Variants in KLHL29 observed in about 807,000 individuals in gnomAD.
The protein encoded by KLHL29 is kelch-like protein 29.
In KLHL29, 21 loss-of-function variants were observed where a neutral mutation model predicts 80.4. The ratio of observed to expected loss-of-function variants is 0.26; its 90% CI spans 0.19 to 0.38. KLHL29 has a LOEUF of 0.38. Among genes scored for constraint, KLHL29 ranks in the 10% least tolerant of loss-of-function variants. KLHL29 has a pLI of 1.00. For missense variants in KLHL29, 867 were observed against 1,223.9 expected (o/e 0.71, Z 4.35); for synonymous variants, 511 against 526.8 (o/e 0.97, Z 0.41).
chr2:23,693,171 A>C, intron 7 of KLHL29, 98 bp from the exon 8 acceptor site: 1 of 1,365,850 alleles, frequency 7.3e-7, no homozygotes, highest in Non-Finnish European at 9.8e-7. Flanking sequence ...GTCCCCCGGG[A>C]TGTGGGTTCA....
intron 2 of KLHL29, among the ~76,000 whole-genome samples, chr2:23,552,364 C>T (rs1283983615): frequency 6.6e-6 from 1 of 152,190 alleles, no homozygotes; most frequent in Non-Finnish European, 1.5e-5. Context: ...AAGTTGTACA[C>T]ATTAAATATC....
intron 5 of KLHL29, chr2:23,667,360 C>A (rs1366980284): frequency 6.6e-6 from 1 of 152,154 alleles, no homozygotes; most frequent in Non-Finnish European, 1.5e-5. Context: ...CAAAAACATA[C>A]TCTTGAATCA....
At chr2:23,592,044 T>C (rs1668276174) in intron 3 of KLHL29, among the ~76,000 whole-genome samples, 1 of 152,190 alleles carries the variant, frequency 6.6e-6, no homozygotes, top group Admixed American at 6.5e-5. Flanking sequence ...TTTCAGCAAA[T>C]GTTTGTTGAA....
At chr2:23,549,075 A>G (rs901688332) in intron 2 of KLHL29, among the ~76,000 whole-genome samples, 5 of 152,154 alleles carry the variant, frequency 3.3e-5, no homozygotes, top group African/African-American at 9.7e-5. Context: ...GCCTCTGAGC[A>G]CTGCATTCAT....
chr2:23,401,276 C>T (rs1572483212), intron 1 of KLHL29, among the ~76,000 whole-genome samples: 1 of 152,292 alleles, frequency 6.6e-6, no homozygotes, highest in East Asian at 1.9e-4. Flanking sequence ...TTTGGGGGCC[C>T]TCCAAGAGAA....
At chr2:23,613,395 G>A (rs1311218523) in intron 3 of KLHL29, among the ~76,000 whole-genome samples, 2 of 152,174 alleles carry the variant, frequency 1.3e-5, no homozygotes, top group African/African-American at 4.8e-5. Flanking sequence ...ATGCATAAAA[G>A]CAGGTGTAGC....
chr2:23,390,442 C>A (rs1392332868), intron 1 of KLHL29, among the ~76,000 whole-genome samples: 1 of 152,084 alleles, frequency 6.6e-6, no homozygotes, highest in Non-Finnish European at 1.5e-5. Flanking sequence ...ATTGGCCTCA[C>A]AGGTGTCTAT....
At chr2:23,616,977 C>T (rs765401870) in intron 3 of KLHL29, 1 of 152,198 alleles carries the variant, frequency 6.6e-6, no homozygotes, top group African/African-American at 2.4e-5. Flanking sequence ...CGTATCGCAG[C>T]GTGTTTGCCC....
At chr2:23,424,692 A>G (rs1319998172) in intron 1 of KLHL29, among the ~76,000 whole-genome samples, 1 of 152,224 alleles carries the variant, frequency 6.6e-6, no homozygotes, top group Non-Finnish European at 1.5e-5. Context: ...TGTGGGGGGC[A>G]GATAATACAG....
At chr2:23,636,231 C>T (rs940671031) in intron 3 of KLHL29, among the ~76,000 whole-genome samples, 8 of 152,148 alleles carry the variant, frequency 5.3e-5, no homozygotes, top group African/African-American at 1.9e-4. Context: ...GCCTCCTCGG[C>T]AAAGGGCACA....
intron 5 of KLHL29, chr2:23,667,305 GCT>G (rs1334529785): frequency 6.6e-6 from 1 of 151,996 alleles, no homozygotes; most frequent in East Asian, 1.9e-4. Flanking sequence ...ATTTCTTTGC[GCT>G]CTGAGCACAG....
At chr2:23,500,328 A>G (rs1709329) in intron 2 of KLHL29, among the ~76,000 whole-genome samples, 64,505 of 152,064 alleles carry the variant, frequency 0.42, 14,274 homozygotes, top group Non-Finnish European at 0.48. Context: ...GAACAAACAG[A>G]TAAGTGATCG....
intron 2 of KLHL29, among the ~76,000 whole-genome samples, chr2:23,542,529 T>A (rs1396137226): frequency 1.3e-5 from 2 of 152,370 alleles, no homozygotes; most frequent in Non-Finnish European, 2.9e-5. Flanking sequence ...GGGGAATTGC[T>A]GAGTCTCCTA....
At chr2:23,631,780 C>T (rs143809522) in intron 3 of KLHL29, among the ~76,000 whole-genome samples, 1 of 152,162 alleles carries the variant, frequency 6.6e-6, no homozygotes, top group South Asian at 2.1e-4. Context: ...TCCTTCTGAC[C>T]CCCTGAAACC....
At chr2:23,648,215 T>A (rs1220171612) in intron 5 of KLHL29, among the ~76,000 whole-genome samples, 1 of 152,096 alleles carries the variant, frequency 6.6e-6, no homozygotes, top group African/African-American at 2.4e-5. Context: ...CCATACAGGC[T>A]CTGGAACTCT....
Position 23,681,325 on chromosome 2 carries a change from G to A in KLHL29, c.941-3074G>A, listed in dbSNP as rs1482410601. Among the ~76,000 whole-genome samples the A allele has an allele frequency of 6.6e-6, 1 of 152,208 alleles. No individual in the cohort carries two copies. The highest frequency in any genetic ancestry group is 2.4e-5 in the African/African-American group (1 of 41,440). On this transcript the variant is annotated intron_variant, in intron 5 of 13. Coordinates refer to ENST00000486442, the MANE Select transcript of KLHL29 (RefSeq NM_052920.2). The surrounding 1 kb of genome is among the most constrained non-coding windows in gnomAD (Gnocchi z 4.2). ...TTCCACCAAGTGAGATTCAGAGAGA[G>A]CAGAAAGCACCTACATTAGGATGGG...
intron 1 of KLHL29, among the ~76,000 whole-genome samples, chr2:23,459,441 T>G (rs1192308218): frequency 1.3e-5 from 2 of 151,366 alleles, no homozygotes; most frequent in Non-Finnish European, 2.9e-5. Flanking sequence ...GAGAATGGAG[T>G]AAAAAAAGAG....
intron 3 of KLHL29, among the ~76,000 whole-genome samples, chr2:23,628,705 C>T (rs1380809823): frequency 1.3e-5 from 2 of 152,214 alleles, no homozygotes; most frequent in Non-Finnish European, 2.9e-5. Context: ...GAGGGCCAGG[C>T]CCCATCCACA....
intron 1 of KLHL29, among the ~76,000 whole-genome samples, chr2:23,423,047 C>T (rs547987219): frequency 9.8e-5 from 15 of 152,370 alleles, no homozygotes; most frequent in African/African-American, 3.6e-4. Flanking sequence ...ACTGGCCCTT[C>T]GGGGCCTCAG....
Sources: allele counts gnomAD v4.1 joint callset (sites outside exome capture counted in the v4.1 genomes callset), GRCh38; gene constraint gnomAD v4.1.1; non-coding constraint Gnocchi (gnomAD v3.1); transcripts MANE v1.5; gene names NCBI Gene and HGNC (gene_info 2026-07-23, HGNC 2026-07-21).